Variants in RNF217 observed in about 807,000 individuals in gnomAD.
The protein encoded by RNF217 is E3 ubiquitin-protein ligase RNF217.
A neutral mutation model predicts 57.8 loss-of-function variants in RNF217; 31 were observed. The observed-to-expected ratio is 0.54, with a 90% CI of 0.40 to 0.72. The LOEUF is 0.72. Ranked by LOEUF, RNF217 falls within the 30% of genes least tolerant of loss-of-function variation. The pLI is 0.00. For missense variants in RNF217, 696 were observed against 708.3 expected (o/e 0.98, Z 0.20); for synonymous variants, 313 against 294.0 (o/e 1.06, Z -0.66).
chr6:124,997,338 C>T (rs1784792840), intron 1 of RNF217, among the ~76,000 whole-genome samples: 1 of 152,142 alleles, frequency 6.6e-6, no homozygotes, highest in East Asian at 1.9e-4. Flanking sequence ...AGTCATGACT[C>T]CAGGTAAGTC....
intron 1 of RNF217, among the ~76,000 whole-genome samples, chr6:124,979,892 C>A (rs1198986957): frequency 3.3e-5 from 5 of 152,160 alleles, no homozygotes. Context: ...CACTAGTGTA[C>A]AAGTGGTGGA....
In RNF217 at chr6:124,963,128, T is replaced by C. The variant is rs561163351; in HGVS notation, c.584T>C (p.Leu195Ser). The C allele has an allele frequency of 7.2e-6, 11 of 1,535,388 alleles. No individual in the cohort carries two copies. The South Asian group carries it at 9.5e-5, about 13-fold the overall frequency. The part of the protein sequence containing the change: ...PASPPGAPPV[L>S]NPPSTRSSFP... Reference sequence around the variant, plus strand: ...TCGCCACCTGGGGCTCCGCCAGTGTTGAACCCTCCCAGCACCCGCTCTTCC... The same window carrying C: ...TCGCCACCTGGGGCTCCGCCAGTGTCGAACCCTCCCAGCACCCGCTCTTCC... Residue 195 changes from leucine (L) to serine (S), a missense_variant, in exon 1 of 6, where the codon TTG (leucine) becomes TCG (serine). This residue lies in a region of RNF217 where 465 missense variants were observed against 386.8 expected (regional missense o/e 1.20). Coordinates refer to ENST00000521654, the MANE Select transcript of RNF217 (RefSeq NM_001286398.3).
chr6:125,066,755 T>C (rs1787950854), intron 3 of RNF217, among the ~76,000 whole-genome samples: 1 of 152,210 alleles, frequency 6.6e-6, no homozygotes, highest in Non-Finnish European at 1.5e-5. Context: ...ATCTATTTTA[T>C]TGTCTGAGTT....
At chr6:125,074,831 A>G (rs994771542) in intron 3 of RNF217, among the ~76,000 whole-genome samples, 2 of 152,208 alleles carry the variant, frequency 1.3e-5, no homozygotes, top group Non-Finnish European at 1.5e-5. Flanking sequence ...TTGACTGACA[A>G]GAGTCAAACA....
At chr6:124,994,104 G>T (rs1784660365) in intron 1 of RNF217, among the ~76,000 whole-genome samples, 2 of 151,980 alleles carry the variant, frequency 1.3e-5, no homozygotes, top group Admixed American at 6.6e-5. Flanking sequence ...AGAAGAAAAT[G>T]GAATTTTAAA....
At chr6:125,046,464 G>A in intron 2 of RNF217, 1 of 397,144 alleles carries the variant, frequency 2.5e-6, no homozygotes, top group Non-Finnish European at 5.0e-6. Context: ...TGACACACCA[G>A]TGCCCCAGGC....
intron 1 of RNF217, among the ~76,000 whole-genome samples, chr6:125,015,365 A>G (rs1219583095): frequency 6.6e-6 from 1 of 152,164 alleles, no homozygotes; most frequent in African/African-American, 2.4e-5. Context: ...CACATTTTAT[A>G]AGTTTTTCTA....
chr6:125,039,202 A>G (rs964486402), intron 1 of RNF217, among the ~76,000 whole-genome samples: 2 of 152,118 alleles, frequency 1.3e-5, no homozygotes, highest in African/African-American at 2.4e-5. Context: ...ATGGCTGCAT[A>G]GTATTCCATG....
At chr6:125,006,165 G>C (rs558452390) in intron 1 of RNF217, 1 of 152,200 alleles carries the variant, frequency 6.6e-6, no homozygotes, top group South Asian at 2.1e-4. Context: ...TGAATGAAGA[G>C]TGGAGCATAA....
intron 1 of RNF217, among the ~76,000 whole-genome samples, chr6:125,007,622 A>G (rs992847365): frequency 2.0e-5 from 3 of 152,168 alleles, no homozygotes; most frequent in Admixed American, 1.3e-4. Context: ...CTTGGGGTGC[A>G]GACATCTTTT....
chr6:124,996,688 A>T (rs963490036), intron 1 of RNF217: 1 of 152,244 alleles, frequency 6.6e-6, no homozygotes, highest in Non-Finnish European at 1.5e-5. Context: ...AGTTATGAAT[A>T]TAAAGTTAGA....
rs1420824095 is a variant in RNF217 at position 125,091,244 on chromosome 6, A to G, written c.*8307A>G. 1 of 152,096 alleles carries G rather than the reference A, an allele frequency of 6.6e-6. No individual in the cohort carries two copies. The highest frequency in any genetic ancestry group is 1.9e-4 in the East Asian group (1 of 5,198). 9.4% of individuals were successfully genotyped at this position (152,096 alleles called of 1,614,324 possible). On this transcript the variant is annotated 3_prime_UTR_variant, in exon 6 of 6. Transcript: ENST00000521654. ...AAACTGGGTTTATTCTCATTTTCCA[A>G]TAGCACTAATGTATAATCCCTTTAA...
At chr6:124,973,488 C>G (rs1582655731) in intron 1 of RNF217, among the ~76,000 whole-genome samples, 1 of 152,110 alleles carries the variant, frequency 6.6e-6, no homozygotes, top group African/African-American at 2.4e-5. Flanking sequence ...ATAACTAGCA[C>G]CTGGCACAAA....
At chr6:125,063,509 C>CACTAACATG (rs973827910) in intron 3 of RNF217, among the ~76,000 whole-genome samples, 2 of 152,110 alleles carry the variant, frequency 1.3e-5, no homozygotes, top group African/African-American at 4.8e-5. Context: ...GTAATAATAA[C>CACTAACATG]ACTAACATGT....
chr6:124,997,818 A>G lies in RNF217; in HGVS notation c.882+34392A>G, dbSNP rs9375381. Among the ~76,000 whole-genome samples the G allele has an allele frequency of 1.7e-3, 256 of 152,200 alleles. 9 individuals are homozygous for G. In the East Asian group the frequency reaches 0.043, roughly 25 times the overall value. On this transcript the variant is annotated intron_variant, in intron 1 of 5. Transcript: ENST00000521654. ...TCCCTCAAAGGCTTTTCTAGACTCT[A>G]CTAACTTAATGTATTTCTCCAATAT... is the stretch of plus-strand genomic sequence containing the variant.
intron 1 of RNF217, among the ~76,000 whole-genome samples, chr6:124,992,011 A>C (rs1235870090): frequency 1.3e-5 from 2 of 152,170 alleles, no homozygotes; most frequent in African/African-American, 4.8e-5. Context: ...ATGATTTATG[A>C]AAATTACAGA....
chr6:125,007,349 G>A (rs1179729114), intron 1 of RNF217, among the ~76,000 whole-genome samples: 2 of 151,336 alleles, frequency 1.3e-5, no homozygotes, highest in Admixed American at 6.6e-5. Flanking sequence ...GGGTTCAAGC[G>A]ACTCTCCTGC....
Position 125,090,673 on chromosome 6 carries a change from C to T in RNF217, c.*7736C>T, listed in dbSNP as rs1264228462. On this transcript the variant is annotated 3_prime_UTR_variant, in exon 6 of 6. Coordinates refer to ENST00000521654, the MANE Select transcript of RNF217 (RefSeq NM_001286398.3). ...AATAGTAATTTGTACCAGATCTTGT[C>T]CATCATTTCATTAGATTGCATATTT... The T allele has an allele frequency of 6.6e-6, 1 of 151,778 alleles. No homozygotes were observed. Among genetic ancestry groups the T allele is most frequent in the Non-Finnish European group, 1.5e-5 (1 of 67,840 alleles). 9.4% of individuals were successfully genotyped at this position (151,778 alleles called of 1,614,324 possible). A position where few individuals can be genotyped will look rare whatever the true frequency, so the allele number is the denominator to read the frequency against.
chr6:125,064,739 C>A (rs77783960), intron 3 of RNF217, among the ~76,000 whole-genome samples: 1,973 of 151,856 alleles, frequency 0.013, 17 homozygotes, highest in Non-Finnish European at 0.019. Flanking sequence ...AAAATGAGGA[C>A]AAAATAAGTA....
Sources: allele counts gnomAD v4.1 joint callset (sites outside exome capture counted in the v4.1 genomes callset), GRCh38; gene constraint gnomAD v4.1.1; regional missense constraint gnomAD v4.1.1; transcripts MANE v1.5; gene names NCBI Gene and HGNC (gene_info 2026-07-23, HGNC 2026-07-21).